NFATC3: variants seen among roughly 807,000 people sequenced by gnomAD.
The protein encoded by NFATC3 is nuclear factor of activated T-cells, cytoplasmic 3.
NFATC3 carries 46 observed loss-of-function variants against 98.6 expected under a neutral mutation model. That is an observed-to-expected ratio of 0.47 (90% CI 0.37 to 0.60). The LOEUF is 0.60. NFATC3 is among the 20% of genes least tolerant of loss of function. The pLI is 0.00. For synonymous variants in NFATC3, 512 were observed against 472.2 expected (o/e 1.08, Z -1.09); for missense variants, 1,256 against 1,295.5 (o/e 0.97, Z 0.47).
chr16:68,135,445 G>A (rs1332837646), intron 3 of NFATC3, among the ~76,000 whole-genome samples: 4 of 118,580 alleles, frequency 3.4e-5, no homozygotes, highest in Non-Finnish European at 4.8e-5. Flanking sequence ...GGGACACAGC[G>A]AGACTCCGTC....
chr16:68,149,694 A>C (rs1399592114), intron 3 of NFATC3, among the ~76,000 whole-genome samples: 1 of 152,258 alleles, frequency 6.6e-6, no homozygotes, highest in Non-Finnish European at 1.5e-5. Context: ...TCTGAGGAGC[A>C]GAAATTGATC....
chr16:68,132,312 G>A (rs2037154770), intron 3 of NFATC3, among the ~76,000 whole-genome samples: 1 of 152,136 alleles, frequency 6.6e-6, no homozygotes, highest in South Asian at 2.1e-4. Context: ...GGTGAGGACT[G>A]TGTAATAGAA....
chr16:68,101,490 G>GTT (rs200613941), intron 1 of NFATC3, among the ~76,000 whole-genome samples: 2 of 126,628 alleles, frequency 1.6e-5, no homozygotes, highest in Non-Finnish European at 1.7e-5. Flanking sequence ...TTTTTTTTTT[G>GTT]TTTTTTTTTT....
At chr16:68,090,322 A>AAC (rs60304758) in intron 1 of NFATC3, among the ~76,000 whole-genome samples, 6,912 of 125,750 alleles carry the variant, frequency 0.055, 464 homozygotes, top group African/African-American at 0.17. Flanking sequence ...TTTCTTTAAA[A>AAC]ACACACACAC....
In NFATC3 at chr16:68,167,810, C is replaced by CTTTTTTTTTTTTTTTTTTTTTTTTTT. The variant is rs35302776; in HGVS notation, c.1774+809_1774+834dup. Among the ~76,000 whole-genome samples, 10 of 23,920 alleles carry CTTTTTTTTTTTTTTTTTTTTTTTTTT rather than the reference C, an allele frequency of 4.2e-4. 4 individuals are homozygous for CTTTTTTTTTTTTTTTTTTTTTTTTTT. The highest frequency in any genetic ancestry group is 5.7e-4 in the African/African-American group (6 of 10,548). 15.7% of individuals were successfully genotyped at this position (23,920 alleles called of 152,430 possible). ...TTTATATCTGTTAACCGTATGTGTTCTTTTTTTTTTTTTTTTTTTTTTTTT... is the reference window on the plus strand; with the variant it reads ...TTTATATCTGTTAACCGTATGTGTTCTTTTTTTTTTTTTTTTTTTTTTTTTTTTTTTTTTTTTTTTTTTTTTTTTTT... On this transcript the variant is annotated intron_variant, in intron 5 of 9. Transcript: ENST00000346183.
At chr16:68,102,293 A>G (rs1412262851) in intron 1 of NFATC3, among the ~76,000 whole-genome samples, 1 of 143,490 alleles carries the variant, frequency 7.0e-6, no homozygotes, top group Non-Finnish European at 1.5e-5. Flanking sequence ...AATCGCTTGA[A>G]CCCAGGAGGC....
At position 68,122,006 on chromosome 16, in the gene NFATC3, T is replaced by C. The variant is rs906812528; in HGVS notation, c.123T>C (p.Cys41=). 6.2e-7 allele frequency: 1 copy of C among 1,608,054 alleles called. No individual in the cohort carries two copies. The part of the protein sequence containing the change: ...SRPADLEPDD[C]ASIYIFNVDP... ...CCGTAGATCTTGAGCCAGATGATTG[T>C]GCATCCATTTACATCTTTAATGTAG... is the stretch of plus-strand genomic sequence containing the variant. Residue 41 remains cysteine (C), a synonymous_variant, in exon 2 of 10, where the codon TGT becomes TGC. Transcript: ENST00000346183.
chr16:68,143,240 GA>G (rs1392529083), intron 3 of NFATC3, among the ~76,000 whole-genome samples: 22 of 138,692 alleles, frequency 1.6e-4, no homozygotes, highest in African/African-American at 5.4e-4. Context: ...AGGAAAGAAA[GA>G]AAGGCTATAT....
chr16:68,088,475 A>G, intron 1 of NFATC3, among the ~76,000 whole-genome samples: 1 of 147,044 alleles, frequency 6.8e-6, no homozygotes, highest in South Asian at 2.1e-4. Context: ...TATATAATAT[A>G]TGTAGTGTAT....
chr16:68,221,081 C>A, intron 9 of NFATC3: 1 of 1,124,050 alleles, frequency 8.9e-7, no homozygotes, highest in Non-Finnish European at 1.3e-6. Context: ...CAAATTCATG[C>A]ATATATCCAT....
At chr16:68,160,033 A>T (rs970452371) in intron 4 of NFATC3, among the ~76,000 whole-genome samples, 5 of 151,452 alleles carry the variant, frequency 3.3e-5, no homozygotes, top group Non-Finnish European at 5.9e-5. Context: ...GGCTGAGATC[A>T]CTCCATTGCA....
At chr16:68,140,097 A>G (rs1046683213) in intron 3 of NFATC3, among the ~76,000 whole-genome samples, 4 of 152,158 alleles carry the variant, frequency 2.6e-5, no homozygotes, top group Non-Finnish European at 5.9e-5. Context: ...CCCAGGTTTA[A>G]GCAATTCTCA....
At chr16:68,114,130 A>G (rs1015042788) in intron 1 of NFATC3, among the ~76,000 whole-genome samples, 3 of 152,168 alleles carry the variant, frequency 2.0e-5, no homozygotes, top group African/African-American at 7.2e-5. Flanking sequence ...ATCTGTGGAA[A>G]AAGTCTGGTT....
intron 9 of NFATC3, among the ~76,000 whole-genome samples, chr16:68,207,052 T>C (rs574854423): frequency 1.3e-5 from 2 of 149,958 alleles, no homozygotes; most frequent in South Asian, 4.2e-4. Flanking sequence ...GGCTCACGCC[T>C]GTAATCCCAG....
chr16:68,155,914 T>G (rs1306322938), intron 3 of NFATC3, among the ~76,000 whole-genome samples: 1 of 152,104 alleles, frequency 6.6e-6, no homozygotes, highest in Non-Finnish European at 1.5e-5. Flanking sequence ...GAAAGATACT[T>G]TAGAATTACT....
chr16:68,183,257 A>C lies in NFATC3; in HGVS notation c.1989A>C (p.Glu663Asp). ...ATCCTTAGGCTCACATTGTCCTTGA[A>C]GTTCCTCCATATCATAACCCAGCAG... ...EKCQGAHIVL[E>D]VPPYHNPAVT... Residue 663 changes from glutamate to aspartate, a missense_variant, in exon 8 of 10, where the codon GAA becomes GAC. Physicochemically the swap from Glu to Asp is conservative, Grantham distance 45. Transcript: ENST00000346183. 1.3e-5 allele frequency: 21 copies of C among 1,591,952 alleles called. No individual in the cohort carries two copies. Among genetic ancestry groups the C allele is most frequent in the Non-Finnish European group, 1.8e-5 (21 of 1,173,482 alleles).
At chr16:68,222,237 G>A (rs1295633907) in intron 9 of NFATC3, among the ~76,000 whole-genome samples, 2 of 130,418 alleles carry the variant, frequency 1.5e-5, no homozygotes, top group Non-Finnish European at 3.1e-5. Flanking sequence ...GCAGTGAGCC[G>A]TGATTGTGCC....
chr16:68,112,655 T>C (rs2036032388), intron 1 of NFATC3, among the ~76,000 whole-genome samples: 2 of 134,578 alleles, frequency 1.5e-5, no homozygotes, highest in Admixed American at 7.2e-5. Flanking sequence ...CGTTTTTTTT[T>C]TTTTTTTTTT....
At chr16:68,115,542 A>C (rs1323607282) in intron 1 of NFATC3, among the ~76,000 whole-genome samples, 1 of 151,944 alleles carries the variant, frequency 6.6e-6, no homozygotes, top group African/African-American at 2.4e-5. Context: ...CCCCTGCCCC[A>C]GCCTCCCAAG....
Sources: gnomAD v4.1 joint callset for allele counts (sites outside exome capture counted in the v4.1 genomes callset) on GRCh38, gnomAD v4.1.1 for gene constraint, MANE v1.5 for transcripts, NCBI Gene and HGNC (gene_info 2026-07-23, HGNC 2026-07-21) for gene names.